Variants in CELF2 observed in about 807,000 individuals in gnomAD.
CELF2 encodes the protein CUGBP Elav-like family member 2, also known as CUG triplet repeat RNA-binding protein 2.
CELF2 carries 8 observed loss-of-function variants against 62.6 expected under a neutral mutation model. The ratio of observed to expected loss-of-function variants is 0.13; its 90% CI spans 0.07 to 0.23. CELF2 has a LOEUF of 0.23. Ranked by LOEUF, CELF2 falls within the 10% of genes least tolerant of loss-of-function variation. CELF2 has a pLI of 1.00. For missense variants in CELF2, 333 were observed against 671.0 expected (o/e 0.50, Z 5.56); for synonymous variants, 258 against 250.0 (o/e 1.03, Z -0.30).
At chr10:11,097,778 G>A (rs1019807342) in intron 1 of CELF2, among the ~76,000 whole-genome samples, 6 of 152,214 alleles carry the variant, frequency 3.9e-5, no homozygotes, top group African/African-American at 1.2e-4. Context: ...ACCTGGTAGG[G>A]ACATCCCCAA....
At chr10:10,989,137 T>C (rs2053151720) in intron 2 of CELF2, among the ~76,000 whole-genome samples, 1 of 152,202 alleles carries the variant, frequency 6.6e-6, no homozygotes, top group African/African-American at 2.4e-5. Context: ...AGTTAGCCTA[T>C]ACTTCTAGAT....
At chr10:10,987,255 CT>C (rs61536690) in intron 2 of CELF2, among the ~76,000 whole-genome samples, 36,748 of 145,516 alleles carry the variant, frequency 0.25, 8,451 homozygotes, top group African/African-American at 0.62. Flanking sequence ...CTCTAGAGAT[CT>C]TTTTTTTTTT....
At chr10:10,731,982 G>C in the CELF2 span, among the ~76,000 whole-genome samples, 1 of 152,052 alleles carries the variant, frequency 6.6e-6, no homozygotes, top group African/African-American at 2.4e-5. Context: ...TCTTTTGCAA[G>C]ATAAGCAACC....
chr10:11,102,511 G>T (rs995720870), intron 1 of CELF2, among the ~76,000 whole-genome samples: 1 of 152,158 alleles, frequency 6.6e-6, no homozygotes, highest in South Asian at 2.1e-4. Flanking sequence ...TTCAGGCATC[G>T]CAAGCAGACC....
chr10:10,577,509 C>A, the CELF2 span, among the ~76,000 whole-genome samples: 39,626 of 149,932 alleles, frequency 0.26, 5,662 homozygotes, highest in African/African-American at 0.36. Flanking sequence ...TCCCTCCCCC[C>A]TCACCCCACC....
At chr10:10,886,375 C>T (rs1324942012) in intron 1 of CELF2, among the ~76,000 whole-genome samples, 4 of 152,156 alleles carry the variant, frequency 2.6e-5, no homozygotes, top group Non-Finnish European at 5.9e-5. Flanking sequence ...ATTTGAGCCT[C>T]ATTATTTTAG....
chr10:11,165,216 C>T lies in CELF2; in HGVS notation c.75-270C>T, dbSNP rs976525599. On this transcript the variant is annotated intron_variant, in intron 1 of 12. Transcript: ENST00000633077. The surrounding 1 kb of genome is among the most constrained non-coding windows in gnomAD (Gnocchi z 7.4). ...GCCTCCCGAGCCTCCAAGATGTCCA[C>T]GCCCTGGGTGACAGGCGGCAGGGCG... 43 of 1,303,526 alleles carry T rather than the reference C, an allele frequency of 3.3e-5. No individual in the cohort carries two copies. The South Asian group carries it at 4.3e-4, about 13-fold the overall frequency. 80.7% of individuals were successfully genotyped at this position (1,303,526 alleles called of 1,614,324 possible). A position where few individuals can be genotyped will look rare whatever the true frequency, so the allele number is the denominator to read the frequency against.
the CELF2 span, among the ~76,000 whole-genome samples, chr10:10,484,106 CCT>C: frequency 4.7e-5 from 1 of 21,340 alleles, no homozygotes; most frequent in South Asian, 3.3e-3. Context: ...CCTCCCCCCT[CCT>C]CTCTCTCTCC....
the CELF2 span, among the ~76,000 whole-genome samples, chr10:10,769,596 C>T: frequency 3.3e-5 from 5 of 152,012 alleles, no homozygotes; most frequent in African/African-American, 1.2e-4. Flanking sequence ...AACCCCATCT[C>T]TACTAAAAAA....
the CELF2 span, among the ~76,000 whole-genome samples, chr10:10,762,510 A>T: frequency 6.6e-6 from 1 of 152,182 alleles, no homozygotes; most frequent in Non-Finnish European, 1.5e-5. Flanking sequence ...GGGTCCTGGA[A>T]GGGGAGTCAC....
chr10:11,139,055 T>C (rs940539507), intron 1 of CELF2, among the ~76,000 whole-genome samples: 1 of 152,232 alleles, frequency 6.6e-6, no homozygotes, highest in Non-Finnish European at 1.5e-5. Context: ...ACTGCAAAGA[T>C]AGGCTCAATT....
the CELF2 span, among the ~76,000 whole-genome samples, chr10:10,588,981 T>C: frequency 6.6e-6 from 1 of 152,180 alleles, no homozygotes; most frequent in South Asian, 2.1e-4. Flanking sequence ...TTTAGAAGTT[T>C]ATTTTCCCAA....
At chr10:11,121,604 G>A (rs554611518) in intron 1 of CELF2, among the ~76,000 whole-genome samples, 3 of 152,224 alleles carry the variant, frequency 2.0e-5, no homozygotes, top group South Asian at 4.2e-4. Flanking sequence ...GTCAAATAGC[G>A]ACGCAGACGT....
At chr10:10,856,463 A>G in intron 1 of CELF2, among the ~76,000 whole-genome samples, 1 of 152,184 alleles carries the variant, frequency 6.6e-6, no homozygotes, top group East Asian at 1.9e-4. Context: ...TTTTGGGGGA[A>G]AAAATGACTG....
chr10:10,908,304 C>G (rs1164534068), intron 1 of CELF2, among the ~76,000 whole-genome samples: 1 of 144,734 alleles, frequency 6.9e-6, no homozygotes, highest in African/African-American at 2.6e-5. Context: ...ACTGCAAGCT[C>G]CACCTCCCAG....
intron 1 of CELF2, among the ~76,000 whole-genome samples, chr10:10,893,796 G>A (rs951213907): frequency 1.3e-5 from 2 of 152,130 alleles, no homozygotes; most frequent in Non-Finnish European, 2.9e-5. Context: ...TCTCGTGAGA[G>A]CTCACTCACT....
chr10:11,073,043 C>T (rs192212017), intron 1 of CELF2, among the ~76,000 whole-genome samples: 140 of 152,004 alleles, frequency 9.2e-4, no homozygotes, highest in African/African-American at 3.3e-3. Context: ...ATACAAGTTA[C>T]ATATTTTAGA....
rs3814630 is a variant in CELF2, at chr10:11,335,244, T to A, written c.*6191T>A. ...TCAAAGACTGAAGCCGCAGGCCCTG[T>A]TCTGCCTCTGCTCAGGAATCTGATT... On this transcript the variant is annotated 3_prime_UTR_variant, in exon 13 of 13. Transcript: ENST00000633077. This position sits in a 1 kb window ranked among gnomAD's most constrained non-coding sequence, Gnocchi z 5.0. 1,587 of 152,532 alleles carry A rather than the reference T, an allele frequency of 0.01. 23 individuals carry two copies. Among genetic ancestry groups the A allele is most frequent in the Middle Eastern group, 0.074 (22 of 296 alleles). The allele number at this position is 152,532 out of a possible 1,614,324, so 9.4% of individuals were successfully genotyped here.
chr10:10,576,824 C>G, the CELF2 span, among the ~76,000 whole-genome samples: 4 of 152,276 alleles, frequency 2.6e-5, no homozygotes, highest in African/African-American at 4.8e-5. Flanking sequence ...TAAATTAACA[C>G]TGGAGTTACT....
Sources: allele counts gnomAD v4.1 joint callset (sites outside exome capture counted in the v4.1 genomes callset), GRCh38; gene constraint gnomAD v4.1.1; non-coding constraint Gnocchi (gnomAD v3.1); transcripts MANE v1.5; gene names NCBI Gene and HGNC (gene_info 2026-07-23, HGNC 2026-07-21).